The following LPAR3 variants were observed in gnomAD, a reference collection of about 807,000 sequenced individuals.
LPAR3 encodes the protein lysophosphatidic acid receptor 3.
Under a neutral mutation model 17.8 loss-of-function variants are expected in LPAR3, and 7 were observed. The ratio of observed to expected loss-of-function variants is 0.39; its 90% CI spans 0.22 to 0.74. LPAR3 has a LOEUF of 0.74. Among genes scored for constraint, LPAR3 ranks in the 30% least tolerant of loss-of-function variants. The pLI, the probability that LPAR3 is intolerant of heterozygous loss-of-function variation, is 0.40. For synonymous variants in LPAR3, 179 were observed against 179.9 expected (o/e 0.99, Z 0.04); for missense variants, 391 against 453.4 (o/e 0.86, Z 1.25).
chr1:84,889,372 G>A (rs963881760), intron 1 of LPAR3, among the ~76,000 whole-genome samples: 6 of 152,168 alleles, frequency 3.9e-5, no homozygotes, highest in Non-Finnish European at 7.3e-5. Context: ...ACAGGGGAGT[G>A]AGGATGGTAT....
intron 1 of LPAR3, among the ~76,000 whole-genome samples, chr1:84,867,505 T>A: frequency 6.6e-6 from 1 of 152,150 alleles, no homozygotes; most frequent in African/African-American, 2.4e-5. Flanking sequence ...GAAGACCAGA[T>A]AACTATTAAG....
chr1:84,846,816 C>A (rs1183331121), intron 2 of LPAR3, among the ~76,000 whole-genome samples: 1 of 151,886 alleles, frequency 6.6e-6, no homozygotes, highest in Non-Finnish European at 1.5e-5. Flanking sequence ...AAGAACAAGA[C>A]AATGACAAAA....
At chr1:84,860,585 T>A (rs1052392053) in intron 2 of LPAR3, among the ~76,000 whole-genome samples, 1 of 152,248 alleles carries the variant, frequency 6.6e-6, no homozygotes, top group Admixed American at 6.5e-5. Flanking sequence ...CCCCTGTCCA[T>A]CCTTTCCTCT....
chr1:84,845,166 G>A (rs1659573569), intron 2 of LPAR3, among the ~76,000 whole-genome samples: 1 of 152,116 alleles, frequency 6.6e-6, no homozygotes, highest in African/African-American at 2.4e-5. Context: ...TCCTTCTACT[G>A]CTTAGGGTTA....
intron 1 of LPAR3, among the ~76,000 whole-genome samples, chr1:84,889,608 C>T (rs1462614895): frequency 6.6e-6 from 1 of 152,194 alleles, no homozygotes; most frequent in Non-Finnish European, 1.5e-5. Context: ...CTCATATTCC[C>T]CACAGAGCAG....
chr1:84,879,316 C>CTTTTTTTTTTTTTTTTTTTTTTTTT (rs1187756554), intron 1 of LPAR3, among the ~76,000 whole-genome samples: 27 of 120,620 alleles, frequency 2.2e-4, no homozygotes, highest in Middle Eastern at 4.4e-3. Flanking sequence ...TTTCTTTTTT[C>CTTTTTTTTTTTTTTTTTTTTTTTTT]TTTTTTTTTT....
chr1:84,848,373 C>G (rs755654306), intron 2 of LPAR3, among the ~76,000 whole-genome samples: 14 of 152,222 alleles, frequency 9.2e-5, no homozygotes, highest in African/African-American at 2.9e-4. Flanking sequence ...ATCCAGTGGT[C>G]GGTTCTTAGC....
In LPAR3 at chr1:84,865,443, C is replaced by T; in HGVS notation, c.678G>A (p.Gly226=). 1 of 1,614,088 alleles carries T rather than the reference C, an allele frequency of 6.2e-7. No individual in the cohort carries two copies. Among genetic ancestry groups the T allele is most frequent in the South Asian group, 1.1e-5 (1 of 91,074 alleles). The change falls in exon 2 of 3, where the codon GGG becomes GGA. Residue 226 remains glycine, a synonymous_variant. Transcript: ENST00000370611. Reference sequence around the variant, plus strand: ...TGGGTGTCCTCCGGCGGCTGATGGACCCACTTGTATGCGGAGACAAGACGT... The same window carrying T: ...TGGGTGTCCTCCGGCGGCTGATGGATCCACTTGTATGCGGAGACAAGACGT... The part of the protein sequence containing the change: ...KTNVLSPHTS[G]SISRRRTPMK...
intron 2 of LPAR3, among the ~76,000 whole-genome samples, chr1:84,828,841 C>T (rs1482081211): frequency 1.3e-5 from 2 of 152,200 alleles, no homozygotes; most frequent in African/African-American, 4.8e-5. Context: ...CAAGAACACT[C>T]CATTGATTCC....
chr1:84,838,747 G>T (rs908912572), intron 2 of LPAR3, among the ~76,000 whole-genome samples: 2 of 152,118 alleles, frequency 1.3e-5, no homozygotes, highest in African/African-American at 4.8e-5. Flanking sequence ...TTGCTTCAAA[G>T]TCTTCCAGAT....
intron 2 of LPAR3, among the ~76,000 whole-genome samples, chr1:84,852,899 G>C (rs1453347515): frequency 6.6e-6 from 1 of 152,118 alleles, no homozygotes; most frequent in Non-Finnish European, 1.5e-5. Context: ...AGTAGTATTA[G>C]AGTAGTATAG....
intron 1 of LPAR3, among the ~76,000 whole-genome samples, chr1:84,868,797 C>T (rs1660103658): frequency 6.6e-6 from 1 of 152,182 alleles, no homozygotes; most frequent in African/African-American, 2.4e-5. Context: ...TCTACTGATG[C>T]TTTGATCTTG....
At position 84,813,965 on chromosome 1, in the gene LPAR3, T is replaced by G. The variant is rs757725302; in HGVS notation, c.943A>C (p.Asn315His). The stretch of plus-strand genomic sequence containing the variant: ...ATGCGAGAGGGACGCCTCTCTGGGT[T>G]CTCCTGAGAGAAGCAGCAGATCATC... ...KKMICCFSQE[N>H]PERRPSRIPS... Residue 315 changes from asparagine (N) to histidine (H), a missense_variant, in exon 3 of 3, where the codon AAC becomes CAC. Asn to His is a moderately conservative substitution (Grantham distance 68). Coordinates refer to ENST00000370611, the MANE Select transcript of LPAR3 (RefSeq NM_012152.3). 2 of 1,614,098 alleles carry G rather than the reference T, an allele frequency of 1.2e-6. No individual in the cohort carries two copies. The highest frequency in any genetic ancestry group is 3.3e-5 in the Admixed American group (2 of 60,008).
At chr1:84,831,717 G>A (rs1179185000) in intron 2 of LPAR3, among the ~76,000 whole-genome samples, 3 of 151,444 alleles carry the variant, frequency 2.0e-5, no homozygotes, top group Non-Finnish European at 4.4e-5. Flanking sequence ...CCCATGGCCT[G>A]TAAGAAGAGC....
chr1:84,860,256 T>G (rs1282563405), intron 2 of LPAR3, among the ~76,000 whole-genome samples: 1 of 152,190 alleles, frequency 6.6e-6, no homozygotes, highest in Non-Finnish European at 1.5e-5. Flanking sequence ...CCCATGCTGT[T>G]AGCTTTTGTG....
chr1:84,878,647 C>T (rs969404545), intron 1 of LPAR3, among the ~76,000 whole-genome samples: 4 of 152,088 alleles, frequency 2.6e-5, no homozygotes, highest in African/African-American at 9.7e-5. Flanking sequence ...TACCTCAGCT[C>T]AGCTGTTGGA....
intron 1 of LPAR3, among the ~76,000 whole-genome samples, chr1:84,888,044 T>C (rs1660491061): frequency 6.6e-6 from 1 of 151,938 alleles, no homozygotes; most frequent in Non-Finnish European, 1.5e-5. Flanking sequence ...TGCTTGCTTT[T>C]TTTTTTATGC....
chr1:84,890,042 T>C (rs1660524607), intron 1 of LPAR3, among the ~76,000 whole-genome samples: 2 of 152,192 alleles, frequency 1.3e-5, no homozygotes, highest in Admixed American at 6.5e-5. Context: ...AGTCCACCGT[T>C]TGTAAAAGCA....
intron 1 of LPAR3, among the ~76,000 whole-genome samples, chr1:84,887,484 C>T (rs941491513): frequency 3.3e-5 from 5 of 151,956 alleles, no homozygotes; most frequent in Non-Finnish European, 1.5e-5. Context: ...TAATGAGGAA[C>T]AGGCTATTTG....
Sources: gnomAD v4.1 joint callset for allele counts (sites outside exome capture counted in the v4.1 genomes callset) on GRCh38, gnomAD v4.1.1 for gene constraint, MANE v1.5 for transcripts, NCBI Gene and HGNC (gene_info 2026-07-23, HGNC 2026-07-21) for gene names.